The following WDR19 variants were observed in gnomAD, a reference collection of about 807,000 sequenced individuals.
The protein encoded by WDR19 is WD repeat domain 19, also known as WD repeat-containing protein 19.
Under a neutral mutation model 180.0 loss-of-function variants are expected in WDR19, and 121 were observed. The ratio of observed to expected loss-of-function variants is 0.67; its 90% CI spans 0.58 to 0.78. The LOEUF (loss-of-function observed/expected upper bound fraction) is 0.78, where lower values mean the gene tolerates loss of function less well. WDR19 is among the 30% of genes least tolerant of loss of function. The pLI is 0.00. For synonymous variants in WDR19, 497 were observed against 540.7 expected (o/e 0.92, Z 1.12); for missense variants, 1,450 against 1,640.7 (o/e 0.88, Z 2.01).
intron 36 of WDR19, among the ~76,000 whole-genome samples, chr4:39,281,719 A>G (rs185171037): frequency 3.3e-5 from 5 of 152,242 alleles, no homozygotes; most frequent in Non-Finnish European, 7.4e-5. Context: ...TTATCTCACA[A>G]TTTCTATGGT....
intron 2 of WDR19, among the ~76,000 whole-genome samples, 180 bp downstream of exon 2, chr4:39,185,997 G>A (rs1409096597): frequency 2.0e-5 from 3 of 151,842 alleles, no homozygotes; most frequent in Admixed American, 6.6e-5. Flanking sequence ...CCAGGTTCAA[G>A]TGAACCTGGC....
chr4:39,249,806 A>G (rs183630707), intron 24 of WDR19, among the ~76,000 whole-genome samples: 3,285 of 152,308 alleles, frequency 0.022, 53 homozygotes, highest in Non-Finnish European at 0.031. Flanking sequence ...AAGAAGTTGA[A>G]TCTCTGAATA....
At chr4:39,195,049 A>C (rs1213158120) in intron 5 of WDR19, among the ~76,000 whole-genome samples, 1 of 152,170 alleles carries the variant, frequency 6.6e-6, no homozygotes, top group Admixed American at 6.5e-5. Flanking sequence ...AATATGTGGT[A>C]ATTTTAGTCC....
At chr4:39,211,193 A>C (rs1487753302) in intron 9 of WDR19, among the ~76,000 whole-genome samples, 2 of 152,140 alleles carry the variant, frequency 1.3e-5, no homozygotes, top group Non-Finnish European at 2.9e-5. Context: ...CCTGTCTCAA[A>C]AAAAAAAGAA....
intron 14 of WDR19, among the ~76,000 whole-genome samples, chr4:39,223,081 A>G (rs1164532086): frequency 1.3e-5 from 2 of 152,128 alleles, no homozygotes; most frequent in South Asian, 2.1e-4. Flanking sequence ...ATTCCATGGT[A>G]TGGATGTACT....
At chr4:39,230,612 T>C (rs530059724) in intron 17 of WDR19, among the ~76,000 whole-genome samples, 1 of 152,332 alleles carries the variant, frequency 6.6e-6, no homozygotes, top group South Asian at 2.1e-4. Flanking sequence ...CTATTGTAAG[T>C]ACTCAGTTAC....
intron 34 of WDR19, among the ~76,000 whole-genome samples, chr4:39,277,356 T>C (rs1283158450): frequency 1.3e-5 from 2 of 152,188 alleles, no homozygotes; most frequent in Admixed American, 1.3e-4. Context: ...CAGGACCAAA[T>C]AGCACAGACT....
intron 32 of WDR19, 29 bp from the exon 33 acceptor site, chr4:39,274,779 T>A (rs1254941156): frequency 1.2e-6 from 2 of 1,604,450 alleles, no homozygotes; most frequent in South Asian, 1.1e-5. Context: ...GACACTGTGC[T>A]GTTGCTGCTC....
intron 18 of WDR19, 61 bp downstream of exon 18, chr4:39,232,017 A>T: frequency 1.3e-6 from 2 of 1,584,116 alleles, no homozygotes; most frequent in Non-Finnish European, 1.7e-6. Flanking sequence ...AGTTAAATGC[A>T]GTCTAAATTT....
intron 17 of WDR19, among the ~76,000 whole-genome samples, chr4:39,230,276 C>T (rs553690511): frequency 1.3e-5 from 2 of 152,288 alleles, no homozygotes; most frequent in South Asian, 2.1e-4. Context: ...AATGCCCTTT[C>T]CCTGCTCTGA....
At chr4:39,222,584 G>A (rs576719862) in intron 14 of WDR19, among the ~76,000 whole-genome samples, 1 of 152,194 alleles carries the variant, frequency 6.6e-6, no homozygotes, top group South Asian at 2.1e-4. Flanking sequence ...TTTTGTTTAT[G>A]CCATGAGGTA....
chr4:39,183,416 A>AT (rs1411329493), intron 1 of WDR19, among the ~76,000 whole-genome samples: 3 of 151,456 alleles, frequency 2.0e-5, no homozygotes, highest in African/African-American at 4.9e-5. Flanking sequence ...CACCCAGCTA[A>AT]TTTTTTGTAT....
At chr4:39,227,342 A>G (rs1730382770) in intron 15 of WDR19, among the ~76,000 whole-genome samples, 1 of 152,120 alleles carries the variant, frequency 6.6e-6, no homozygotes, top group African/African-American at 2.4e-5. Flanking sequence ...AGTTCACAGG[A>G]CTTATATGGA....
chr4:39,263,221 C>T (rs1009080834), intron 28 of WDR19, among the ~76,000 whole-genome samples: 4 of 152,064 alleles, frequency 2.6e-5, no homozygotes, highest in African/African-American at 9.7e-5. Flanking sequence ...GTCCTCCTTA[C>T]CTCCTTGCAC....
chr4:39,245,166 T>TG (rs1732387485), intron 23 of WDR19, among the ~76,000 whole-genome samples: 1 of 151,792 alleles, frequency 6.6e-6, no homozygotes, highest in Non-Finnish European at 1.5e-5. Context: ...AGGCTGGTCT[T>TG]GAACTCCTGA....
intron 36 of WDR19, among the ~76,000 whole-genome samples, chr4:39,285,163 T>C (rs150789370): frequency 7.9e-5 from 12 of 152,090 alleles, no homozygotes; most frequent in African/African-American, 2.2e-4. Flanking sequence ...CAAATATAAC[T>C]GTTTAATTTC....
intron 17 of WDR19, among the ~76,000 whole-genome samples, chr4:39,229,379 A>G (rs552121060): frequency 6.6e-6 from 1 of 152,306 alleles, no homozygotes; most frequent in South Asian, 2.1e-4. Flanking sequence ...TAAGATAGTC[A>G]GCTGTTTTTA....
chr4:39,249,317 C>A (rs1167755647), intron 24 of WDR19, among the ~76,000 whole-genome samples: 2 of 151,930 alleles, frequency 1.3e-5, no homozygotes, highest in Non-Finnish European at 2.9e-5. Flanking sequence ...ACACAACATA[C>A]CAGAATCTCT....
intron 34 of WDR19, 79 bp from the exon 35 acceptor site, chr4:39,278,052 A>C: frequency 1.2e-5 from 3 of 249,120 alleles, no homozygotes; most frequent in Non-Finnish European, 1.7e-5. Context: ...AGATTCCGTC[A>C]AAAAAAAAAA....
Sources: gnomAD v4.1 joint callset for allele counts (sites outside exome capture counted in the v4.1 genomes callset) on GRCh38, gnomAD v4.1.1 for gene constraint, MANE v1.5 for transcripts, NCBI Gene and HGNC (gene_info 2026-07-23, HGNC 2026-07-21) for gene names.